Variants in IL17RB observed in about 807,000 individuals in gnomAD.
IL17RB encodes the protein interleukin-17 receptor B.
A neutral mutation model predicts 43.9 loss-of-function variants in IL17RB; 36 were observed. That is an observed-to-expected ratio of 0.82 (90% CI 0.63 to 1.08). The LOEUF is 1.08. IL17RB is among the 50% of genes least tolerant of loss of function. The pLI is 0.00. For synonymous variants in IL17RB, 225 were observed against 225.4 expected (o/e 1.00, Z 0.02); for missense variants, 613 against 613.6 (o/e 1.00, Z 0.01).
intron 10 of IL17RB, among the ~76,000 whole-genome samples, chr3:53,862,245 T>C (rs1261872961): frequency 1.3e-5 from 2 of 152,194 alleles, no homozygotes; most frequent in East Asian, 3.9e-4. Context: ...AAACACATCA[T>C]AATTTGGCCT....
rs751960151 is a variant in IL17RB at position 53,865,262 on chromosome 3, C to G, written c.1463C>G (p.Ala488Gly). 6.2e-7 allele frequency: 1 copy of G among 1,611,160 alleles called. No homozygotes were observed. The highest frequency in any genetic ancestry group is 2.2e-5 in the East Asian group (1 of 44,882). Reference sequence around the variant, plus strand: ...CTCCATGTCAAGCAGCAGGTGTCAGCAGGAAAAAGATCACAAGCCTGCCAC... The same window carrying G: ...CTCCATGTCAAGCAGCAGGTGTCAGGAGGAAAAAGATCACAAGCCTGCCAC... ...ELLHVKQQVS[A>G]GKRSQACHDG... The change falls in exon 11 of 11, where the codon GCA becomes GGA. Residue 488 changes from alanine to glycine, a missense_variant. Coordinates refer to ENST00000288167, the MANE Select transcript of IL17RB (RefSeq NM_018725.4).
At chr3:53,860,582 G>A (rs934016877) in intron 10 of IL17RB, 1 of 165,492 alleles carries the variant, frequency 6.0e-6, no homozygotes, top group East Asian at 1.7e-4. Context: ...GTTCTTATGA[G>A]GTGTTAAGAA....
rs375951282 is a variant in IL17RB, at chr3:53,864,733, T to C, written c.947-13T>C. ...GCTGTTCACAGATAACAAATGCTTT[T>C]CTCCTCTCACAGAAAGGATCAAGAA... On this transcript the variant is annotated splice_polypyrimidine_tract_variant and intron_variant, in intron 10 of 10. Transcript: ENST00000288167. The C allele has an allele frequency of 4.4e-4, 699 of 1,576,680 alleles. 1 individual carries two copies. Among genetic ancestry groups the C allele is most frequent in the Non-Finnish European group, 5.7e-4 (666 of 1,159,168 alleles).
Position 53,858,745 on chromosome 3 carries a change from C to T in IL17RB, c.774C>T (p.Gly258=). The T allele has an allele frequency of 6.2e-7, 1 of 1,614,054 alleles. No homozygotes were observed. The highest frequency in any genetic ancestry group is 8.5e-7 in the Non-Finnish European group (1 of 1,179,974). ...TGACTCCATATTTTCCTACTTGTGG[C>T]AGCGACTGCATCCGACATAAAGGAA... The part of the protein sequence containing the change: ...VQLTPYFPTC[G]SDCIRHKGTV... Residue 258 remains glycine (G), a synonymous_variant, in exon 9 of 11, where the codon GGC becomes GGT. Transcript: ENST00000288167.
chr3:53,864,767 T>C lies in IL17RB; in HGVS notation c.968T>C (p.Phe323Ser), dbSNP rs1699719962. Residue 323 changes from phenylalanine (F) to serine (S), a missense_variant, in exon 11 of 11, where the codon TTT becomes TCT. Coordinates refer to ENST00000288167, the MANE Select transcript of IL17RB (RefSeq NM_018725.4). ...WRHERIKKTS[F>S]STTTLLPPIK... Reference sequence around the variant, plus strand: ...ACAGAAAGGATCAAGAAGACTTCCTTTTCTACCACCACACTACTGCCCCCC... The same window carrying C: ...ACAGAAAGGATCAAGAAGACTTCCTCTTCTACCACCACACTACTGCCCCCC... The C allele has an allele frequency of 1.2e-6, 2 of 1,609,498 alleles. No individual in the cohort carries two copies.
chr3:53,853,060 CAG>C (rs1699214360), intron 5 of IL17RB, 63 bp downstream of exon 5: 3 of 1,596,926 alleles, frequency 1.9e-6, no homozygotes, highest in Non-Finnish European at 2.6e-6. Flanking sequence ...GCGATATGCA[CAG>C]AGAGAGCCCA....
chr3:53,865,555 A>G lies in IL17RB; in HGVS notation c.*247A>G, dbSNP rs774726189. The G allele has an allele frequency of 4.9e-5, 22 of 452,600 alleles. No homozygotes were observed. Among genetic ancestry groups the G allele is most frequent in the Non-Finnish European group, 8.2e-5 (21 of 256,042 alleles). 28.0% of individuals were successfully genotyped at this position (452,600 alleles called of 1,614,324 possible). On this transcript the variant is annotated 3_prime_UTR_variant, in exon 11 of 11. Coordinates refer to ENST00000288167, the MANE Select transcript of IL17RB (RefSeq NM_018725.4). ...AATTACAGTTTTAATTGAAAACTAT[A>G]ACCATTTTGATAATGCAACAATAAA...
At chr3:53,851,375 A>G (rs369408567) in intron 3 of IL17RB, among the ~76,000 whole-genome samples, 160 of 152,238 alleles carry the variant, frequency 1.1e-3, no homozygotes, top group African/African-American at 3.7e-3. Flanking sequence ...ATAGGGCGAG[A>G]GGAGCTGGAA....
At chr3:53,857,528 G>T (rs966863083) in intron 7 of IL17RB, 88 bp from the exon 8 acceptor site, 1 of 1,151,330 alleles carries the variant, frequency 8.7e-7, no homozygotes, top group African/African-American at 1.5e-5. Context: ...CAAGCCATCT[G>T]CCTGCCTTGG....
Position 53,860,192 on chromosome 3 carries a change from G to C in IL17RB, c.910G>C (p.Val304Leu). 2 of 1,613,922 alleles carry C rather than the reference G, an allele frequency of 1.2e-6. No individual in the cohort carries two copies. The highest frequency in any genetic ancestry group is 1.7e-6 in the Non-Finnish European group (2 of 1,179,804). Reference sequence around the variant, plus strand: ...GCTGTCTCTGCTGGTGGCCACATGGGTGCTGGTGGCAGGGATCTATCTAAT... The same window carrying C: ...GCTGTCTCTGCTGGTGGCCACATGGCTGCTGGTGGCAGGGATCTATCTAAT... ...LLLSLLVATW[V>L]LVAGIYLMWR... is the part of the protein sequence containing the mutation. The change falls in exon 10 of 11, where the codon GTG becomes CTG. Residue 304 changes from valine (V) to leucine (L), a missense_variant. Coordinates refer to ENST00000288167, the MANE Select transcript of IL17RB (RefSeq NM_018725.4).
chr3:53,850,007 A>G (rs1368977949), intron 3 of IL17RB, among the ~76,000 whole-genome samples: 1 of 152,252 alleles, frequency 6.6e-6, no homozygotes, highest in Non-Finnish European at 1.5e-5. Flanking sequence ...GAAAGGAATC[A>G]CCAGATAAAT....
intron 1 of IL17RB, among the ~76,000 whole-genome samples, chr3:53,847,399 T>A (rs993739701): frequency 6.6e-6 from 1 of 151,984 alleles, no homozygotes; most frequent in African/African-American, 2.4e-5. Flanking sequence ...GCCAACAATT[T>A]GAGCTTGGTA....
rs774743660 is a variant in IL17RB, at chr3:53,864,750, G to A, written c.951G>A (p.Arg317=). The part of the protein sequence containing the change: ...AGIYLMWRHE[R]IKKTSFSTTT... ...AATGCTTTTCTCCTCTCACAGAAAG[G>A]ATCAAGAAGACTTCCTTTTCTACCA... is the stretch of plus-strand genomic sequence containing the variant. The change falls in exon 11 of 11, where the codon AGG becomes AGA. Residue 317 remains arginine, a synonymous_variant. Transcript: ENST00000288167. The A allele has an allele frequency of 1.2e-5, 19 of 1,604,044 alleles. No individual in the cohort carries two copies. Among genetic ancestry groups the A allele is most frequent in the Middle Eastern group, 1.7e-4 (1 of 6,014 alleles).
intron 7 of IL17RB, 94 bp downstream of exon 7, chr3:53,857,080 T>C: frequency 7.7e-7 from 1 of 1,305,540 alleles, no homozygotes; most frequent in Non-Finnish European, 1.1e-6. Flanking sequence ...CGTGCTGGGC[T>C]ACTTTGATGA....
At chr3:53,848,869 T>A (rs1272632374) in intron 2 of IL17RB, among the ~76,000 whole-genome samples, 181 bp downstream of exon 2, 1 of 152,210 alleles carries the variant, frequency 6.6e-6, no homozygotes, top group Admixed American at 6.5e-5. Context: ...TCTGTGGGAA[T>A]GAGGCCGTGT....
rs188917846 is a variant in IL17RB at position 53,865,042 on chromosome 3, C to G, written c.1243C>G (p.Pro415Ala). Residue 415 changes from proline to alanine, a missense_variant, in exon 11 of 11, where the codon CCC becomes GCC. Coordinates refer to ENST00000288167, the MANE Select transcript of IL17RB (RefSeq NM_018725.4). ...DGTCGKSEGS[P>A]SENSQDLFPL... ...TACCTGTGGCAAGAGCGAGGGCAGT[C>G]CCAGTGAGAACTCTCAAGACCTCTT... is the stretch of plus-strand genomic sequence containing the variant. 47 of 1,614,184 alleles carry G rather than the reference C, an allele frequency of 2.9e-5. No homozygotes were observed. Among genetic ancestry groups the G allele is most frequent in the Non-Finnish European group, 5.1e-6 (6 of 1,180,026 alleles).
intron 1 of IL17RB, among the ~76,000 whole-genome samples, chr3:53,848,321 T>C (rs1419523047): frequency 6.6e-6 from 1 of 152,146 alleles, no homozygotes; most frequent in Non-Finnish European, 1.5e-5. Flanking sequence ...AGTTAAACAT[T>C]AGAGTGTGAA....
At chr3:53,848,629 C>A in intron 1 of IL17RB, 35 bp from the exon 2 acceptor site, 3 of 1,544,710 alleles carry the variant, frequency 1.9e-6, no homozygotes, top group Non-Finnish European at 2.6e-6. Flanking sequence ...GGTTTGCCGG[C>A]TTCAACGTGA....
chr3:53,848,086 T>G (rs1404633400), intron 1 of IL17RB, among the ~76,000 whole-genome samples: 1 of 152,230 alleles, frequency 6.6e-6, no homozygotes, highest in Non-Finnish European at 1.5e-5. Context: ...CACGAGCAGC[T>G]AACTTCAAAC....
Sources: gnomAD v4.1 joint callset for allele counts (sites outside exome capture counted in the v4.1 genomes callset) on GRCh38, gnomAD v4.1.1 for gene constraint, MANE v1.5 for transcripts, NCBI Gene and HGNC (gene_info 2026-07-23, HGNC 2026-07-21) for gene names.